Variants in FILIP1L observed in about 807,000 individuals in gnomAD.
FILIP1L encodes the protein filamin A-interacting protein 1-like.
Under a neutral mutation model 96.6 loss-of-function variants are expected in FILIP1L, and 55 were observed. The observed-to-expected ratio is 0.57, with a 90% CI of 0.46 to 0.71. The LOEUF (loss-of-function observed/expected upper bound fraction) is 0.71. Among genes scored for constraint, FILIP1L ranks in the 30% least tolerant of loss-of-function variants. The pLI is 0.00. For missense variants in FILIP1L, 1,304 were observed against 1,321.2 expected, an observed-to-expected ratio of 0.99 and a Z score of 0.20; for synonymous variants, 467 against 473.9, an observed-to-expected ratio of 0.99 and a Z score of 0.19.
intron 1 of FILIP1L, among the ~76,000 whole-genome samples, chr3:100,065,380 G>A (rs902888402): frequency 1.3e-5 from 2 of 152,186 alleles, no homozygotes; most frequent in Admixed American, 1.3e-4. Flanking sequence ...AGGTAAGGAA[G>A]TGGAGAGTCA....
At chr3:99,841,222 G>A (rs1167551460) in intron 5 of FILIP1L, among the ~76,000 whole-genome samples, 2 of 152,192 alleles carry the variant, frequency 1.3e-5, no homozygotes. Context: ...TGACAGATTG[G>A]CCCAGAGTAT....
chr3:100,007,107 A>T (rs941016385), intron 1 of FILIP1L, among the ~76,000 whole-genome samples: 1 of 152,134 alleles, frequency 6.6e-6, no homozygotes, highest in African/African-American at 2.4e-5. Flanking sequence ...TTTTTCTTGC[A>T]TCCTTGGCAT....
At position 99,930,759 on chromosome 3, in the gene FILIP1L, C is replaced by T. The variant is rs759222830; in HGVS notation, c.252+10G>A. On this transcript the variant is annotated intron_variant, in intron 2 of 5. Coordinates refer to ENST00000477258, the MANE Select transcript of FILIP1L (RefSeq NM_001387850.1). Reference sequence around the variant, plus strand: ...TGAAGCATGATGGGGATAACTCCAACCCAGCTGACCTGCAGTTCTCCCTCC... The same window carrying T: ...TGAAGCATGATGGGGATAACTCCAATCCAGCTGACCTGCAGTTCTCCCTCC... The T allele has an allele frequency of 6.2e-7, 1 of 1,612,622 alleles. No individual in the cohort carries two copies. Among genetic ancestry groups the T allele is most frequent in the East Asian group, 2.2e-5 (1 of 44,808 alleles).
At chr3:100,019,995 A>G (rs1301073697) in intron 1 of FILIP1L, among the ~76,000 whole-genome samples, 1 of 152,018 alleles carries the variant, frequency 6.6e-6, no homozygotes, top group Non-Finnish European at 1.5e-5. Context: ...GTGCAATTTT[A>G]TTTTCTGAGT....
At chr3:99,942,509 G>A (rs1279677249) in intron 1 of FILIP1L, among the ~76,000 whole-genome samples, 1 of 152,164 alleles carries the variant, frequency 6.6e-6, no homozygotes, top group African/African-American at 2.4e-5. Flanking sequence ...AAAGCACTAG[G>A]CACATATTGG....
At chr3:99,859,590 A>G (rs2107550433) in intron 4 of FILIP1L, among the ~76,000 whole-genome samples, 1 of 152,356 alleles carries the variant, frequency 6.6e-6, no homozygotes, top group African/African-American at 2.4e-5. Flanking sequence ...TCTCACAGCT[A>G]GACTTTGATA....
chr3:100,086,103 T>C (rs753900031), intron 1 of FILIP1L, among the ~76,000 whole-genome samples: 2 of 152,222 alleles, frequency 1.3e-5, no homozygotes, highest in Non-Finnish European at 2.9e-5. Context: ...TAGCTTTTAA[T>C]GAAATAAACA....
chr3:100,015,119 A>G (rs1710303296), intron 1 of FILIP1L, among the ~76,000 whole-genome samples: 2 of 151,526 alleles, frequency 1.3e-5, no homozygotes, highest in South Asian at 4.2e-4. Context: ...GTAGATATCC[A>G]GTTTTCCCTG....
chr3:100,019,423 C>G (rs2064764371), intron 1 of FILIP1L, among the ~76,000 whole-genome samples: 1 of 152,016 alleles, frequency 6.6e-6, no homozygotes, highest in Admixed American at 6.6e-5. Context: ...AAAGGAATAG[C>G]AGGTGATTGA....
At position 99,857,738 on chromosome 3, in the gene FILIP1L, G is replaced by A. The variant is rs376462865; in HGVS notation, c.606-6668C>T. Among the ~76,000 whole-genome samples, 3 of 152,192 alleles carry A rather than the reference G, an allele frequency of 2.0e-5. No individual in the cohort carries two copies. The East Asian group carries it at 5.8e-4, about 29-fold the overall frequency. Reference sequence around the variant, plus strand: ...TAATGGTACTGTATTGTTTCTATTAGTTTCAGAAATCAGCCTGTAAATAGA... The same window carrying A: ...TAATGGTACTGTATTGTTTCTATTAATTTCAGAAATCAGCCTGTAAATAGA... On this transcript the variant is annotated intron_variant, in intron 4 of 5. Transcript: ENST00000477258.
chr3:100,024,610 G>A (rs1194412954), intron 1 of FILIP1L, among the ~76,000 whole-genome samples: 1 of 152,090 alleles, frequency 6.6e-6, no homozygotes, highest in Non-Finnish European at 1.5e-5. Flanking sequence ...AATCCAACAG[G>A]CATAGGCAGG....
At chr3:100,002,406 T>C (rs1709868557) in intron 1 of FILIP1L, among the ~76,000 whole-genome samples, 1 of 152,138 alleles carries the variant, frequency 6.6e-6, no homozygotes, top group Non-Finnish European at 1.5e-5. Context: ...GACTGGAGTA[T>C]CTCTATAATC....
chr3:100,074,100 A>G (rs530128929), intron 1 of FILIP1L, among the ~76,000 whole-genome samples: 65 of 152,160 alleles, frequency 4.3e-4, no homozygotes, highest in African/African-American at 1.5e-3. Flanking sequence ...ACTGGAAAAT[A>G]TGAGGCAGAT....
chr3:99,989,533 T>C (rs1709450152), intron 1 of FILIP1L, among the ~76,000 whole-genome samples: 1 of 152,230 alleles, frequency 6.6e-6, no homozygotes, highest in African/African-American at 2.4e-5. Flanking sequence ...GACATTGTTA[T>C]CTTAGTCCTC....
At chr3:99,928,286 A>G (rs1707361227) in intron 3 of FILIP1L, among the ~76,000 whole-genome samples, 1 of 152,198 alleles carries the variant, frequency 6.6e-6, no homozygotes, top group African/African-American at 2.4e-5. Context: ...GGAAAAGGAT[A>G]GACAACTGGG....
chr3:99,903,519 G>C (rs949334530), intron 4 of FILIP1L, among the ~76,000 whole-genome samples: 12 of 152,078 alleles, frequency 7.9e-5, no homozygotes, highest in African/African-American at 2.9e-4. Context: ...CAAAGTGCTG[G>C]GATTACAGGC....
chr3:99,907,476 T>C (rs997747277), intron 4 of FILIP1L, among the ~76,000 whole-genome samples: 4 of 152,164 alleles, frequency 2.6e-5, no homozygotes, highest in African/African-American at 7.2e-5. Flanking sequence ...CTTGATCTCC[T>C]GACCTCATGA....
At chr3:100,036,514 G>T (rs938569839) in intron 1 of FILIP1L, among the ~76,000 whole-genome samples, 11 of 152,156 alleles carry the variant, frequency 7.2e-5, no homozygotes, top group African/African-American at 2.4e-4. Flanking sequence ...TTTGTTCATG[G>T]TGATAATAGG....
At chr3:100,082,437 C>T (rs548705416) in intron 1 of FILIP1L, among the ~76,000 whole-genome samples, 1 of 152,314 alleles carries the variant, frequency 6.6e-6, no homozygotes, top group African/African-American at 2.4e-5. Flanking sequence ...TCATAACTTA[C>T]AGCTTTAAGA....
Sources: allele counts gnomAD v4.1 joint callset (sites outside exome capture counted in the v4.1 genomes callset), GRCh38; gene constraint gnomAD v4.1.1; transcripts MANE v1.5; gene names NCBI Gene and HGNC (gene_info 2026-07-23, HGNC 2026-07-21).